ADGRL4: variants seen among roughly 807,000 people sequenced by gnomAD.
ADGRL4 encodes EGF, latrophilin and seven transmembrane domain containing 1.
A neutral mutation model predicts 74.8 loss-of-function variants in ADGRL4; 90 were observed. That is an observed-to-expected ratio of 1.20 (90% CI 1.02 to 1.43). ADGRL4 has a LOEUF of 1.43. ADGRL4 is among the 40% of genes most tolerant of loss of function. ADGRL4 has a pLI of 0.00. For missense variants in ADGRL4, 881 were observed against 814.3 expected (o/e 1.08, Z -1.00); for synonymous variants, 311 against 279.2 (o/e 1.11, Z -1.14).
rs768791634 is a variant in ADGRL4 at position 78,937,812 on chromosome 1, T to C, written c.755A>G (p.Asp252Gly). 6.2e-7 allele frequency: 1 copy of C among 1,605,122 alleles called. No homozygotes were observed. The highest frequency in any genetic ancestry group is 2.2e-5 in the East Asian group (1 of 44,778). The change falls in exon 6 of 15, where the codon GAT (aspartate) becomes GGT (glycine). Residue 252 changes from aspartate to glycine, a missense_variant. By Grantham distance (94) the Asp-to-Gly change is moderately conservative. Coordinates refer to ENST00000370742, the MANE Select transcript of ADGRL4 (RefSeq NM_022159.4). Reference protein sequence around the residue: ...KTTEFDTNSTDIALKVFFFDS... With the variant: ...KTTEFDTNSTGIALKVFFFDS... ...AATGGACCCTTGTTTCTTACCTATATCCGTTGAATTTGTATCAAACTCTGT... is the reference window on the plus strand; with the variant it reads ...AATGGACCCTTGTTTCTTACCTATACCCGTTGAATTTGTATCAAACTCTGT...
chr1:78,996,662 A>G (rs1325189080), intron 2 of ADGRL4, among the ~76,000 whole-genome samples: 1 of 152,146 alleles, frequency 6.6e-6, no homozygotes, highest in African/African-American at 2.4e-5. Context: ...TAGGCCTTCC[A>G]TGGTTGATCC....
intron 2 of ADGRL4, among the ~76,000 whole-genome samples, chr1:78,961,556 A>T (rs1011612886): frequency 6.6e-6 from 1 of 152,140 alleles, no homozygotes; most frequent in Non-Finnish European, 1.5e-5. Context: ...GTTCTGTTTG[A>T]TTCTGTTTAG....
intron 2 of ADGRL4, among the ~76,000 whole-genome samples, chr1:79,002,647 G>A (rs1293860752): frequency 6.6e-6 from 1 of 152,066 alleles, no homozygotes; most frequent in Admixed American, 6.5e-5. Flanking sequence ...AACCAAACAA[G>A]TGGTAGAGCT....
intron 9 of ADGRL4, among the ~76,000 whole-genome samples, chr1:78,921,191 A>T (rs1415439995): frequency 6.6e-6 from 1 of 151,674 alleles, no homozygotes; most frequent in African/African-American, 2.4e-5. Context: ...TGCTAAAAAC[A>T]TGATGTTAGT....
chr1:78,893,537 T>C (rs371113359), intron 12 of ADGRL4, among the ~76,000 whole-genome samples: 11 of 151,988 alleles, frequency 7.2e-5, no homozygotes, highest in African/African-American at 2.6e-4. Flanking sequence ...TTTGAAGAAA[T>C]GTGTTAGTGA....
chr1:78,939,334 G>C (rs1649427455), intron 3 of ADGRL4, 76 bp from the exon 4 acceptor site: 1 of 1,264,642 alleles, frequency 7.9e-7, no homozygotes, highest in Admixed American at 3.4e-5. Flanking sequence ...CAATCCCAAT[G>C]ATCTTTCTCA....
At chr1:78,915,586 C>G (rs907229190) in intron 12 of ADGRL4, among the ~76,000 whole-genome samples, 1 of 151,896 alleles carries the variant, frequency 6.6e-6, no homozygotes, top group Admixed American at 6.6e-5. Context: ...TCTGAGCCAT[C>G]ATCCGCTGAG....
chr1:78,997,782 A>G (rs1393671759), intron 2 of ADGRL4, among the ~76,000 whole-genome samples: 1 of 152,200 alleles, frequency 6.6e-6, no homozygotes, highest in African/African-American at 2.4e-5. Flanking sequence ...TGATTATCAC[A>G]GGTAACTTGC....
At chr1:78,995,948 G>A (rs1299544493) in intron 2 of ADGRL4, among the ~76,000 whole-genome samples, 1 of 152,156 alleles carries the variant, frequency 6.6e-6, no homozygotes, top group Non-Finnish European at 1.5e-5. Context: ...AATTTGTAAC[G>A]ATGGGTTTTG....
chr1:78,986,194 A>G (rs1179048956), intron 2 of ADGRL4, among the ~76,000 whole-genome samples: 1 of 151,742 alleles, frequency 6.6e-6, no homozygotes, highest in Non-Finnish European at 1.5e-5. Context: ...AACAATAATA[A>G]TAACAATCAC....
chr1:78,892,998 A>G (rs1648316826), intron 13 of ADGRL4, 100 bp downstream of exon 13: 1 of 702,534 alleles, frequency 1.4e-6, no homozygotes. Context: ...GTATGAAACA[A>G]TCATTTAAAA....
chr1:78,963,980 G>C (rs1206268738), intron 2 of ADGRL4, among the ~76,000 whole-genome samples: 1 of 152,168 alleles, frequency 6.6e-6, no homozygotes, highest in Non-Finnish European at 1.5e-5. Context: ...GTTAGAAGTT[G>C]CTTTCCTCTA....
intron 1 of ADGRL4, 82 bp from the exon 2 acceptor site, chr1:79,005,301 T>C (rs1650936116): frequency 7.5e-6 from 8 of 1,072,834 alleles, no homozygotes; most frequent in Admixed American, 3.4e-5. Flanking sequence ...ATAATAAACA[T>C]AAATTATCCT....
Position 79,001,773 on chromosome 1 carries a change from T to C in ADGRL4, c.172+3297A>G, listed in dbSNP as rs139713471. On this transcript the variant is annotated intron_variant, in intron 2 of 14. Transcript: ENST00000370742. ...TACCATTTTGTGAAAATGTCTAGTA[T>C]GAAGGGGATACGATAAATATTGTAA... 9.3e-3 allele frequency among the ~76,000 whole-genome samples: 1,419 copies of C among 152,264 alleles called. 23 individuals are homozygous for C. The highest frequency in any genetic ancestry group is 0.033 in the African/African-American group (1,356 of 41,556).
At chr1:78,937,255 G>T (rs1354565174) in intron 6 of ADGRL4, among the ~76,000 whole-genome samples, 1 of 152,114 alleles carries the variant, frequency 6.6e-6, no homozygotes, top group Non-Finnish European at 1.5e-5. Context: ...GACCAGCCTG[G>T]CCAACATGGT....
At chr1:78,979,591 A>G (rs776053408) in intron 2 of ADGRL4, among the ~76,000 whole-genome samples, 11 of 151,946 alleles carry the variant, frequency 7.2e-5, no homozygotes, top group East Asian at 1.9e-4. Context: ...AAAAAGACAC[A>G]CGCACACACA....
At chr1:78,927,752 T>C (rs907433033) in intron 7 of ADGRL4, among the ~76,000 whole-genome samples, 1 of 152,104 alleles carries the variant, frequency 6.6e-6, no homozygotes, top group African/African-American at 2.4e-5. Context: ...AGGACTGTAA[T>C]AACAAAACTG....
At chr1:79,002,093 T>G (rs369895182) in intron 2 of ADGRL4, among the ~76,000 whole-genome samples, 8 of 152,126 alleles carry the variant, frequency 5.3e-5, no homozygotes, top group African/African-American at 1.9e-4. Context: ...AGTGGAATTC[T>G]GAAGAATTCC....
At chr1:78,957,433 C>T (rs1374046756) in intron 2 of ADGRL4, among the ~76,000 whole-genome samples, 1 of 152,162 alleles carries the variant, frequency 6.6e-6, no homozygotes, top group Non-Finnish European at 1.5e-5. Flanking sequence ...AAAAGTGCCA[C>T]TCCAGTGAAC....
Sources: allele counts gnomAD v4.1 joint callset (sites outside exome capture counted in the v4.1 genomes callset), GRCh38; gene constraint gnomAD v4.1.1; transcripts MANE v1.5; gene names NCBI Gene and HGNC (gene_info 2026-07-23, HGNC 2026-07-21).